Variants in ATG7 observed in about 807,000 individuals in gnomAD.
ATG7 encodes the protein autophagy related 7.
Under a neutral mutation model 82.4 loss-of-function variants are expected in ATG7, and 70 were observed. That is an observed-to-expected ratio of 0.85 (90% CI 0.70 to 1.04). ATG7 has a LOEUF of 1.04. Ranked by LOEUF, ATG7 falls within the 50% of genes least tolerant of loss-of-function variation. The probability of loss-of-function intolerance (pLI) is 0.00; values close to 1 mark genes in which losing one functional copy is unlikely to be tolerated. For synonymous variants in ATG7, 287 were observed against 313.0 expected, an observed-to-expected ratio of 0.92 and a Z score of 0.88; for missense variants, 792 against 864.3, an observed-to-expected ratio of 0.92 and a Z score of 1.05.
downstream of ATG7, chr3:11,558,945 G>C (rs976209111): frequency 7.9e-7 from 1 of 1,271,264 alleles, no homozygotes; most frequent in Non-Finnish European, 1.1e-6. Flanking sequence ...GTCAGCGTGG[G>C]CTCTGCAGAC....
intron 20 of ATG7, among the ~76,000 whole-genome samples, chr3:11,469,077 C>T (rs547139838): frequency 2.0e-5 from 3 of 152,308 alleles, no homozygotes; most frequent in Admixed American, 6.5e-5. Context: ...CAAGTCCTGA[C>T]CTGTCAACAG....
chr3:11,383,652 A>T (rs907749456), intron 19 of ATG7, among the ~76,000 whole-genome samples: 2 of 152,050 alleles, frequency 1.3e-5, no homozygotes, highest in Non-Finnish European at 1.5e-5. Context: ...GTTTCACTCC[A>T]TTGGCCAGGC....
chr3:11,548,597 C>CT (rs2071489420), intron 20 of ATG7, among the ~76,000 whole-genome samples: 1 of 152,068 alleles, frequency 6.6e-6, no homozygotes, highest in African/African-American at 2.4e-5. Context: ...AATTAAAAAC[C>CT]TTTTTTTCTT....
intron 19 of ATG7, among the ~76,000 whole-genome samples, chr3:11,403,353 CTT>C (rs2080027183): frequency 6.7e-6 from 1 of 148,778 alleles, no homozygotes; most frequent in Non-Finnish European, 1.5e-5. Context: ...TTTTTAATCT[CTT>C]AAGGGTATTG....
chr3:11,409,390 T>C (rs1050587765), intron 19 of ATG7, among the ~76,000 whole-genome samples: 1 of 152,256 alleles, frequency 6.6e-6, no homozygotes, highest in Non-Finnish European at 1.5e-5. Context: ...AACTATTGAC[T>C]AGTACTCTAT....
intron 20 of ATG7, among the ~76,000 whole-genome samples, chr3:11,468,194 C>T (rs9818393): frequency 0.26 from 39,141 of 152,156 alleles, 6,442 homozygotes; most frequent in Non-Finnish European, 0.38. Context: ...TCTTGGATTT[C>T]AATTTGTCTA....
At chr3:11,348,308 C>A in intron 14 of ATG7, 2 of 370,478 alleles carry the variant, frequency 5.4e-6, no homozygotes, top group South Asian at 3.6e-5. Flanking sequence ...AATGAAGCCG[C>A]GGACCTTCGC....
intron 20 of ATG7, among the ~76,000 whole-genome samples, chr3:11,466,103 A>G (rs943588436): frequency 3.3e-5 from 5 of 152,200 alleles, no homozygotes; most frequent in African/African-American, 1.2e-4. Context: ...AATGTGGAAA[A>G]TGGAATAATC....
chr3:11,446,421 T>C (rs1403813332), intron 20 of ATG7: 4 of 365,674 alleles, frequency 1.1e-5, no homozygotes, highest in Non-Finnish European at 1.6e-5. Flanking sequence ...AAATGCGTTA[T>C]ATAAAGGAGG....
intron 18 of ATG7, among the ~76,000 whole-genome samples, chr3:11,375,233 C>A (rs892939032): frequency 6.6e-6 from 1 of 151,950 alleles, no homozygotes; most frequent in East Asian, 1.9e-4. Flanking sequence ...ACAAAAAAAC[C>A]AGAATGGGAG....
At chr3:11,321,657 G>A (rs1950240121) in intron 9 of ATG7, among the ~76,000 whole-genome samples, 1 of 152,118 alleles carries the variant, frequency 6.6e-6, no homozygotes, top group Non-Finnish European at 1.5e-5. Flanking sequence ...GGTAGAGTAG[G>A]AAGGCCAGAC....
Position 11,313,553 on chromosome 3 carries a change from T to G in ATG7, c.528+133T>G. ...AACTGAAATCCTCCAAAGGTGGTAC[T>G]AGGAGCAGACTTATTTAGAAAATGT... On this transcript the variant is annotated intron_variant, in intron 8 of 20. Transcript: ENST00000693202. The G allele has an allele frequency of 7.0e-6, 4 of 570,226 alleles. No individual in the cohort carries two copies. In the South Asian group the frequency reaches 1.1e-4, roughly 15 times the overall value. 35.3% of individuals were successfully genotyped at this position (570,226 alleles called of 1,614,324 possible).
chr3:11,466,421 G>C (rs755104199), intron 20 of ATG7, among the ~76,000 whole-genome samples: 2 of 152,188 alleles, frequency 1.3e-5, no homozygotes, highest in African/African-American at 2.4e-5. Flanking sequence ...ATACTTGCTT[G>C]GCAGAGACAC....
chr3:11,558,460 C>G, downstream of ATG7: 2 of 1,069,174 alleles, frequency 1.9e-6, no homozygotes, highest in African/African-American at 1.6e-5. Context: ...CCCTTCCCCC[C>G]ACCCCACCCC....
chr3:11,304,034 T>C (rs1361043867), intron 5 of ATG7, among the ~76,000 whole-genome samples: 1 of 151,836 alleles, frequency 6.6e-6, no homozygotes, highest in Non-Finnish European at 1.5e-5. Context: ...GAGCTTGCAG[T>C]GAGCCGAGAT....
At chr3:11,539,042 C>T (rs766608178) in intron 20 of ATG7, among the ~76,000 whole-genome samples, 13 of 151,968 alleles carry the variant, frequency 8.6e-5, no homozygotes, top group South Asian at 2.1e-4. Context: ...AATACAAGGT[C>T]GATTACCCAC....
In ATG7 at chr3:11,418,094, AG is replaced by A. The variant is rs1239859102; in HGVS notation, c.1957-8709del. Among the ~76,000 whole-genome samples, 10 of 151,644 alleles carry A rather than the reference AG, an allele frequency of 6.6e-5. No individual in the cohort carries two copies. The East Asian group carries it at 1.9e-3, about 29-fold the overall frequency. ...CCAAAGTGCTGGGATTACAGGCATGAGCCACAGCGCCTGGCCTGTATATTTT... is the reference window on the plus strand; with the variant it reads ...CCAAAGTGCTGGGATTACAGGCATGACCACAGCGCCTGGCCTGTATATTTT... On this transcript the variant is annotated intron_variant, in intron 19 of 20. Transcript: ENST00000693202.
At chr3:11,529,863 G>GT (rs904134582) in intron 20 of ATG7, 1 of 152,334 alleles carries the variant, frequency 6.6e-6, no homozygotes, top group Non-Finnish European at 1.5e-5. Context: ...AGCCCCTCAG[G>GT]TGTTGGCTCT....
At chr3:11,435,589 G>T (rs2083295586) in intron 20 of ATG7, among the ~76,000 whole-genome samples, 1 of 152,104 alleles carries the variant, frequency 6.6e-6, no homozygotes, top group Non-Finnish European at 1.5e-5. Context: ...ATCCTGGCCT[G>T]GTCAGAAGGT....
Sources: gnomAD v4.1 joint callset for allele counts (sites outside exome capture counted in the v4.1 genomes callset) on GRCh38, gnomAD v4.1.1 for gene constraint, MANE v1.5 for transcripts, NCBI Gene and HGNC (gene_info 2026-07-23, HGNC 2026-07-21) for gene names.